Variants in TBL1Y observed in about 807,000 individuals in gnomAD.
The protein encoded by TBL1Y is transducin beta like 1 Y-linked.
Under a neutral mutation model 12.0 loss-of-function variants are expected in TBL1Y, and 15 were observed. The ratio of observed to expected loss-of-function variants is 1.25; its 90% CI spans 0.83 to 1.92. TBL1Y has a LOEUF of 1.92. Among genes scored for constraint, TBL1Y ranks in the 40% most tolerant of loss-of-function variants. The pLI, the probability that TBL1Y is intolerant of heterozygous loss-of-function variation, is 0.00. For synonymous variants in TBL1Y, 53 were observed against 42.6 expected (o/e 1.24, Z -0.95); for missense variants, 148 against 116.7 (o/e 1.27, Z -1.24).
intron 3 of TBL1Y, among the ~76,000 whole-genome samples, chrY:6,993,250 TTTC>T: frequency 3.5e-5 from 1 of 28,406 alleles, no homozygotes; most frequent in Non-Finnish European, 8.2e-5. Flanking sequence ...TCTTTCTTTC[TTTC>T]TTTCTTTTTG....
intron 3 of TBL1Y, among the ~76,000 whole-genome samples, chrY:6,993,871 G>C (rs778893729): frequency 2.0e-3 from 62 of 31,004 alleles, no homozygotes; most frequent in Admixed American, 6.8e-3. Flanking sequence ...TGCTTAATTA[G>C]GTAAAGTGAA....
At chrY:7,057,626 T>G in intron 7 of TBL1Y, among the ~76,000 whole-genome samples, 1 of 33,294 alleles carries the variant, frequency 3.0e-5, no homozygotes, top group South Asian at 7.0e-4. Context: ...TTTCTAACCA[T>G]CCTGTAAATG....
At chrY:7,006,938 C>T in intron 4 of TBL1Y, among the ~76,000 whole-genome samples, 3 of 33,306 alleles carry the variant, frequency 9.0e-5, no homozygotes. Flanking sequence ...AAAGTGGGAA[C>T]ACTAGAAAAG....
At chrY:7,057,862 T>C in intron 7 of TBL1Y, among the ~76,000 whole-genome samples, 1 of 34,247 alleles carries the variant, frequency 2.9e-5, no homozygotes, top group Non-Finnish European at 7.3e-5. Flanking sequence ...GCTATTCCTT[T>C]AACAGCATCT....
chrY:7,063,697 CTGACATAT>C (rs2012918904), intron 7 of TBL1Y, among the ~76,000 whole-genome samples, 192 bp from the exon 8 acceptor site: 4 of 33,302 alleles, frequency 1.2e-4, no homozygotes, highest in African/African-American at 4.8e-4. Flanking sequence ...ATTGAACATA[CTGACATAT>C]TGATTCTTTG....
chrY:7,002,756 G>T, intron 4 of TBL1Y, among the ~76,000 whole-genome samples: 1 of 33,949 alleles, frequency 2.9e-5, no homozygotes, highest in African/African-American at 1.2e-4. Context: ...TGAGAAGAAA[G>T]GCTGCTGTGA....
chrY:7,007,414 A>C, intron 4 of TBL1Y, among the ~76,000 whole-genome samples: 1 of 33,330 alleles, frequency 3.0e-5, no homozygotes, highest in African/African-American at 1.2e-4. Flanking sequence ...ATTGTGATAA[A>C]AAATACACCA....
At chrY:7,074,768 G>T in intron 13 of TBL1Y, 148 bp downstream of exon 13, 1 of 154,598 alleles carries the variant, frequency 6.5e-6, no homozygotes, top group Non-Finnish European at 1.2e-5. Context: ...TCCTAGACGT[G>T]GTCTAGGAGT....
At chrY:7,052,478 C>T in intron 7 of TBL1Y, among the ~76,000 whole-genome samples, 2 of 33,904 alleles carry the variant, frequency 5.9e-5, no homozygotes, top group Non-Finnish European at 1.5e-4. Flanking sequence ...ATTTCCTCAG[C>T]AAGGCCATTT....
chrY:7,063,601 T>C, intron 7 of TBL1Y, among the ~76,000 whole-genome samples: 2 of 31,293 alleles, frequency 6.4e-5, no homozygotes, highest in South Asian at 7.5e-4. Context: ...CAGGGTGGAG[T>C]AGGTAATTGG....
chrY:6,969,673 A>G, intron 2 of TBL1Y, among the ~76,000 whole-genome samples: 1 of 33,103 alleles, frequency 3.0e-5, no homozygotes, highest in Non-Finnish European at 7.4e-5. Context: ...TTACTTACTG[A>G]CATACAGTTG....
chrY:6,940,285 A>G, intron 2 of TBL1Y, among the ~76,000 whole-genome samples: 1 of 31,007 alleles, frequency 3.2e-5, no homozygotes, highest in Non-Finnish European at 7.7e-5. Context: ...TAATAGTTCA[A>G]AAATCCAGTA....
intron 2 of TBL1Y, among the ~76,000 whole-genome samples, chrY:6,977,539 G>A: frequency 3.0e-5 from 1 of 33,042 alleles, no homozygotes; most frequent in South Asian, 7.1e-4. Flanking sequence ...TAAATGCTTG[G>A]GGCCAGGGCT....
chrY:6,977,646 T>C, intron 2 of TBL1Y, among the ~76,000 whole-genome samples: 1 of 33,195 alleles, frequency 3.0e-5, no homozygotes, highest in South Asian at 6.9e-4. Flanking sequence ...ATTTCCACTC[T>C]TGGTAAAGGT....
intron 7 of TBL1Y, 59 bp from the exon 8 acceptor site, chrY:7,063,838 C>T: frequency 2.6e-6 from 1 of 388,415 alleles, no homozygotes; most frequent in South Asian, 3.0e-5. Context: ...AGAGTAGAGA[C>T]CATTCCCAGA....
chrY:6,952,407 A>G, intron 2 of TBL1Y, among the ~76,000 whole-genome samples: 2 of 33,347 alleles, frequency 6.0e-5, no homozygotes, highest in South Asian at 1.4e-3. Flanking sequence ...TTCTTGTTGA[A>G]TTGGTCCCTT....
chrY:6,983,427 G>T, intron 3 of TBL1Y, among the ~76,000 whole-genome samples: 1 of 32,709 alleles, frequency 3.1e-5, no homozygotes, highest in African/African-American at 1.2e-4. Context: ...CTGGCTTTAT[G>T]CCCGACTAAC....
At chrY:7,011,530 G>A in intron 4 of TBL1Y, among the ~76,000 whole-genome samples, 1 of 34,063 alleles carries the variant, frequency 2.9e-5, no homozygotes, top group Non-Finnish European at 7.3e-5. Context: ...AAAAAGTGAT[G>A]TTGCATGACT....
chrY:6,918,138 T>G, intron 2 of TBL1Y, among the ~76,000 whole-genome samples: 1 of 33,219 alleles, frequency 3.0e-5, no homozygotes, highest in South Asian at 7.2e-4. Flanking sequence ...CATGTCCAAG[T>G]GAGCCCCAGA....
Sources: allele counts gnomAD v4.1 joint callset (sites outside exome capture counted in the v4.1 genomes callset), GRCh38; gene constraint gnomAD v4.1.1; transcripts MANE v1.5; gene names NCBI Gene and HGNC (gene_info 2026-07-23, HGNC 2026-07-21).